Variants in CACNA1H observed in about 807,000 individuals in gnomAD.
The protein encoded by CACNA1H is calcium voltage-gated channel subunit alpha1 H.
A neutral mutation model predicts 192.5 loss-of-function variants in CACNA1H; 149 were observed. The observed-to-expected ratio is 0.77, with a 90% CI of 0.68 to 0.89. The LOEUF is 0.89. Ranked by LOEUF, CACNA1H falls within the 40% of genes least tolerant of loss-of-function variation. The pLI is 0.00. For missense variants in CACNA1H, 4,257 were observed against 3,423.5 expected (o/e 1.24, Z -6.08); for synonymous variants, 2,202 against 1,475.2 (o/e 1.49, Z -11.29).
chr16:1,164,136 G>A (rs1270704609), intron 2 of CACNA1H, among the ~76,000 whole-genome samples: 5 of 152,194 alleles, frequency 3.3e-5, no homozygotes. Context: ...AGGGCCCTGG[G>A]CCTGAGTCCC....
At position 1,211,574 on chromosome 16, in the gene CACNA1H, C is replaced by T. The variant is rs763390819; in HGVS notation, c.4444C>T (p.Arg1482Ter). ...QCRAAHYRWV[R>*]RKYNFDNLGQ... ...CCGGGCCGCCCACTACCGCTGGGTG[C>T]GACGCAAGTACAACTTCGACAACCT... is the stretch of plus-strand genomic sequence containing the variant. The change falls in exon 23 of 35, where the codon CGA becomes TGA. Residue 1482 changes from arginine to a stop codon, truncating the protein, a stop_gained. Transcript: ENST00000348261. LOFTEE classifies it high-confidence loss of function. The T allele has an allele frequency of 4.3e-6, 7 of 1,610,350 alleles. No homozygotes were observed. Among genetic ancestry groups the T allele is most frequent in the South Asian group, 2.2e-5 (2 of 90,762 alleles).
chr16:1,188,500 C>T (rs1220388157), intron 2 of CACNA1H, among the ~76,000 whole-genome samples: 1 of 152,118 alleles, frequency 6.6e-6, no homozygotes, highest in Non-Finnish European at 1.5e-5. Context: ...ATCTTCGGCG[C>T]AGAGATAGCA....
intron 2 of CACNA1H, chr16:1,157,806 C>G (rs1466182313): frequency 1.3e-5 from 2 of 152,356 alleles, no homozygotes; most frequent in Non-Finnish European, 2.9e-5. Context: ...GGGGGTCACT[C>G]AGCAGGGTGG....
At position 1,220,181 on chromosome 16, in the gene CACNA1H, G is replaced by T; in HGVS notation, c.6249G>T (p.Pro2083=). ...GACAGCGCTGCGTCTCCAGCCGGCC[G>T]GCGGCCCCAGGCGGAGAGGAGGCCG... ...TFGQRCVSSR[P]AAPGGEEAEA... The change falls in exon 35 of 35, where the codon CCG becomes CCT. Residue 2083 remains proline (P), a synonymous_variant. Coordinates refer to ENST00000348261, the MANE Select transcript of CACNA1H (RefSeq NM_021098.3). 2.0e-6 allele frequency: 3 copies of T among 1,519,834 alleles called. No homozygotes were observed. Among genetic ancestry groups the T allele is most frequent in the Non-Finnish European group, 2.6e-6 (3 of 1,138,674 alleles). The allele number at this position is 1,519,834 out of a possible 1,614,324, so 94.1% of individuals were successfully genotyped here.
At chr16:1,216,512 C>T (rs1970039535) in intron 30 of CACNA1H, among the ~76,000 whole-genome samples, 1 of 152,172 alleles carries the variant, frequency 6.6e-6, no homozygotes, top group Non-Finnish European at 1.5e-5. Context: ...CAGTCAGCTG[C>T]GTGCTGGCCT....
At chr16:1,186,833 C>T (rs1966114748) in intron 2 of CACNA1H, among the ~76,000 whole-genome samples, 1 of 152,210 alleles carries the variant, frequency 6.6e-6, no homozygotes, top group Non-Finnish European at 1.5e-5. Context: ...GCCGTGACCA[C>T]CACCATGACC....
chr16:1,200,256 G>A lies in CACNA1H; in HGVS notation c.804G>A (p.Arg268=), dbSNP rs374916216. The change falls in exon 7 of 35, where the codon AGG becomes AGA. Residue 268 remains arginine (R), a splice_region_variant and synonymous_variant. Transcript: ENST00000348261. The part of the protein sequence containing the change: ...NRCFLDSAFV[R]NNNLTFLRPY... ...TGGCCCTGGCTGTGCCCATCCCCAG[G>A]AACAACAACCTGACCTTCCTGCGGC... 1.4e-5 allele frequency: 22 copies of A among 1,593,790 alleles called. No homozygotes were observed. The highest frequency in any genetic ancestry group is 1.9e-5 in the Non-Finnish European group (22 of 1,169,518).
intron 2 of CACNA1H, among the ~76,000 whole-genome samples, chr16:1,188,474 A>C (rs1359097185): frequency 1.3e-5 from 2 of 152,030 alleles, no homozygotes; most frequent in Non-Finnish European, 2.9e-5. Context: ...GGCCCCAAGA[A>C]TCCCAGGTCT....
At chr16:1,188,057 C>T (rs556230165) in intron 2 of CACNA1H, among the ~76,000 whole-genome samples, 11 of 152,144 alleles carry the variant, frequency 7.2e-5, no homozygotes, top group Non-Finnish European at 1.5e-4. Context: ...ATGAAATAGC[C>T]CTTTTGTACA....
rs1317623527 is a variant in CACNA1H, at chr16:1,167,017, C to T, written c.299+12981C>T. ...CCAGGCTGTTTTCCAAAGCGGTGCC[C>T]ACCTGTTGACCCACCTCTCGCCCCC... is the stretch of plus-strand genomic sequence containing the variant. On this transcript the variant is annotated intron_variant, in intron 2 of 34. Coordinates refer to ENST00000348261, the MANE Select transcript of CACNA1H (RefSeq NM_021098.3). The surrounding 1 kb of genome is among the most constrained non-coding windows in gnomAD (Gnocchi z 4.2). Among the ~76,000 whole-genome samples, 2 of 152,200 alleles carry T rather than the reference C, an allele frequency of 1.3e-5. No individual in the cohort carries two copies. Among genetic ancestry groups the T allele is most frequent in the Non-Finnish European group, 2.9e-5 (2 of 68,024 alleles).
chr16:1,199,881 T>C (rs1333389351), intron 6 of CACNA1H, among the ~76,000 whole-genome samples: 1 of 152,118 alleles, frequency 6.6e-6, no homozygotes, highest in Non-Finnish European at 1.5e-5. Flanking sequence ...CAGGAGTTGC[T>C]GAGGTCTGAG....
At chr16:1,169,688 G>A (rs372111798) in intron 2 of CACNA1H, among the ~76,000 whole-genome samples, 6 of 152,248 alleles carry the variant, frequency 3.9e-5, no homozygotes, top group Non-Finnish European at 5.9e-5. Context: ...GCCACAGGCC[G>A]CTGGGGGCAG....
chr16:1,196,748 A>G (rs9933256), intron 5 of CACNA1H, among the ~76,000 whole-genome samples: 64,077 of 151,960 alleles, frequency 0.42, 14,189 homozygotes, highest in African/African-American at 0.49. Flanking sequence ...AAGAGCTTCC[A>G]GGAAGTCATA....
chr16:1,199,333 C>G (rs1484508456), intron 6 of CACNA1H, among the ~76,000 whole-genome samples: 5 of 80,774 alleles, frequency 6.2e-5, no homozygotes, highest in African/African-American at 2.5e-4. Context: ...CATCATGGCT[C>G]CGCCCACCGT....
intron 2 of CACNA1H, among the ~76,000 whole-genome samples, chr16:1,155,204 T>C (rs1326127651): frequency 6.6e-6 from 1 of 152,192 alleles, no homozygotes; most frequent in Non-Finnish European, 1.5e-5. Context: ...TCTCTGCTTG[T>C]AGAGGAAGAG....
At chr16:1,178,788 C>T (rs1281637240) in intron 2 of CACNA1H, among the ~76,000 whole-genome samples, 1 of 152,218 alleles carries the variant, frequency 6.6e-6, no homozygotes, top group Non-Finnish European at 1.5e-5. Flanking sequence ...CCTCCAAGCT[C>T]CAGAAGTCGG....
chr16:1,218,132 G>A, intron 32 of CACNA1H, 78 bp from the exon 33 acceptor site: 1 of 1,535,582 alleles, frequency 6.5e-7, no homozygotes, highest in South Asian at 1.2e-5. Flanking sequence ...TTGCAGGGCA[G>A]GGGGAAGGGG....
At chr16:1,173,593 C>T (rs901435991) in intron 2 of CACNA1H, among the ~76,000 whole-genome samples, 3 of 152,236 alleles carry the variant, frequency 2.0e-5, no homozygotes, top group African/African-American at 7.2e-5. Flanking sequence ...TTTCTCAAAA[C>T]GTTAAAAACT....
intron 3 of CACNA1H, among the ~76,000 whole-genome samples, 161 bp from the exon 4 acceptor site, chr16:1,195,271 G>T (rs571286336): frequency 3.2e-4 from 42 of 132,098 alleles, no homozygotes; most frequent in African/African-American, 9.8e-4. Flanking sequence ...GAGAGGCGAG[G>T]TTCAAGGCGA....
Sources: allele counts gnomAD v4.1 joint callset (sites outside exome capture counted in the v4.1 genomes callset), GRCh38; gene constraint gnomAD v4.1.1; non-coding constraint Gnocchi (gnomAD v3.1); transcripts MANE v1.5; gene names NCBI Gene and HGNC (gene_info 2026-07-23, HGNC 2026-07-21).